The following IGF2R variants were observed in gnomAD, a reference collection of about 807,000 sequenced individuals.
The protein encoded by IGF2R is cation-independent mannose-6-phosphate receptor.
In IGF2R, 91 loss-of-function variants were observed where a neutral mutation model predicts 270.6. The observed-to-expected ratio is 0.34, with a 90% confidence interval of 0.28 to 0.40. The LOEUF is 0.40. Among genes scored for constraint, IGF2R ranks in the 10% least tolerant of loss-of-function variants. The probability of loss-of-function intolerance (pLI) is 1.00; values close to 1 mark genes in which losing one functional copy is unlikely to be tolerated. For missense variants in IGF2R, 2,805 were observed against 3,188.3 expected (o/e 0.88, Z 2.90); for synonymous variants, 1,316 against 1,258.9 (o/e 1.05, Z -0.96).
At chr6:159,995,461 T>A (rs1784037740) in intron 2 of IGF2R, among the ~76,000 whole-genome samples, 1 of 152,140 alleles carries the variant, frequency 6.6e-6, no homozygotes, top group Admixed American at 6.5e-5. Context: ...TGAGGTTTTG[T>A]TCCTGTCATA....
In IGF2R at chr6:160,043,257, G is replaced by A. The variant is rs894817; in HGVS notation, c.1590G>A (p.Gly530=). Residue 530 remains glycine, a synonymous_variant, in exon 12 of 48, where the codon GGG becomes GGA. Transcript: ENST00000356956. ...HRVLQEGKAR[G]CPEDAAVCAV... ...TGCTGCAGGAAGGCAAGGCACGAGGGTGTCCCGAGGACGCGGCAGTGTGTG... is the reference window on the plus strand; with the variant it reads ...TGCTGCAGGAAGGCAAGGCACGAGGATGTCCCGAGGACGCGGCAGTGTGTG... 538,577 of 1,613,798 alleles carry A rather than the reference G, an allele frequency of 0.33. 95,465 individuals are homozygous for A. The highest frequency in any genetic ancestry group is 0.74 in the East Asian group (33,237 of 44,872).
intron 1 of IGF2R, among the ~76,000 whole-genome samples, chr6:159,981,950 T>C (rs576600735): frequency 3.3e-5 from 5 of 152,346 alleles, no homozygotes; most frequent in Admixed American, 3.3e-4. Flanking sequence ...TCCCTGCTTC[T>C]ATTTATTTGT....
At chr6:160,022,118 G>A (rs973284768) in intron 4 of IGF2R, among the ~76,000 whole-genome samples, 1 of 152,058 alleles carries the variant, frequency 6.6e-6, no homozygotes, top group African/African-American at 2.4e-5. Context: ...GGAACTTGAG[G>A]CCATTATCTT....
intron 44 of IGF2R, chr6:160,093,512 G>C (rs1302435487): frequency 3.4e-6 from 2 of 585,006 alleles, no homozygotes; most frequent in Non-Finnish European, 6.4e-6. Flanking sequence ...TCACACGTCT[G>C]TACAGCCGGT....
chr6:160,085,463 T>C (rs1779080485), intron 41 of IGF2R, among the ~76,000 whole-genome samples: 1 of 152,228 alleles, frequency 6.6e-6, no homozygotes, highest in Admixed American at 6.5e-5. Flanking sequence ...TAAATTGGCA[T>C]AAACACACGT....
intron 1 of IGF2R, among the ~76,000 whole-genome samples, chr6:159,989,023 T>C (rs1037746861): frequency 6.6e-6 from 1 of 152,172 alleles, no homozygotes; most frequent in African/African-American, 2.4e-5. Context: ...CCTCTTAACA[T>C]GTTCCTGCTG....
chr6:160,096,257 G>C (rs946239554), intron 44 of IGF2R, 182 bp from the exon 45 acceptor site: 3 of 552,968 alleles, frequency 5.4e-6, no homozygotes, highest in Non-Finnish European at 9.5e-6. Context: ...TAAGGGCAGG[G>C]CTCTATCCAT....
At position 160,056,154 on chromosome 6, in the gene IGF2R, C is replaced by T. The variant is rs552870357; in HGVS notation, c.2695-270C>T. Among the ~76,000 whole-genome samples, 3 of 152,198 alleles carry T rather than the reference C, an allele frequency of 2.0e-5. No individual in the cohort carries two copies. The South Asian group carries it at 6.2e-4, about 32-fold the overall frequency. On this transcript the variant is annotated intron_variant, in intron 19 of 47. Coordinates refer to ENST00000356956, the MANE Select transcript of IGF2R (RefSeq NM_000876.4). Reference sequence around the variant, plus strand: ...ACTTTTCAGAACCTTGAGCTCAGACCTAGGTTTGGATCTGAATTCTACCAT... The same window carrying T: ...ACTTTTCAGAACCTTGAGCTCAGACTTAGGTTTGGATCTGAATTCTACCAT...
chr6:160,052,805 C>T (rs980373162), intron 19 of IGF2R, among the ~76,000 whole-genome samples: 2 of 152,136 alleles, frequency 1.3e-5, no homozygotes, highest in African/African-American at 2.4e-5. Flanking sequence ...TGATCTTTGA[C>T]AAACCTGACA....
intron 45 of IGF2R, among the ~76,000 whole-genome samples, chr6:160,099,426 G>T (rs955389093): frequency 3.3e-5 from 5 of 152,166 alleles, no homozygotes; most frequent in Admixed American, 3.3e-4. Context: ...GAGTGCAGTG[G>T]CGCGATCTCG....
At chr6:159,977,675 T>G (rs1783715375) in intron 1 of IGF2R, among the ~76,000 whole-genome samples, 1 of 152,198 alleles carries the variant, frequency 6.6e-6, no homozygotes, top group Non-Finnish European at 1.5e-5. Context: ...TGAAAACCTC[T>G]CATTAGGGAG....
In IGF2R at chr6:160,105,711, A is replaced by G. The variant is rs944541634; in HGVS notation, c.*627A>G. ...TTAAGGGCACACACACGTGCGTGCG[A>G]GCACACACACACATACGTGCACAGG... On this transcript the variant is annotated 3_prime_UTR_variant, in exon 48 of 48. Coordinates refer to ENST00000356956, the MANE Select transcript of IGF2R (RefSeq NM_000876.4). The G allele has an allele frequency of 6.5e-6, 1 of 152,860 alleles. No individual in the cohort carries two copies. The highest frequency in any genetic ancestry group is 1.5e-5 in the Non-Finnish European group (1 of 68,288). The allele number at this position is 152,860 out of a possible 1,614,324, so 9.5% of individuals were successfully genotyped here. A position where few individuals can be genotyped will look rare whatever the true frequency, so the allele number is the denominator to read the frequency against.
chr6:160,099,430 G>A (rs940623151), intron 45 of IGF2R, among the ~76,000 whole-genome samples: 2 of 152,018 alleles, frequency 1.3e-5, no homozygotes, highest in African/African-American at 4.8e-5. Context: ...GCAGTGGCGC[G>A]ATCTCGGCTC....
chr6:160,005,577 T>C (rs1784208358), intron 2 of IGF2R: 1 of 152,194 alleles, frequency 6.6e-6, no homozygotes. Context: ...TCTGCCTCCT[T>C]TTCAGGACGT....
intron 4 of IGF2R, among the ~76,000 whole-genome samples, chr6:160,023,534 C>CATT (rs753466132): frequency 7.9e-5 from 12 of 152,186 alleles, no homozygotes; most frequent in Non-Finnish European, 1.5e-4. Flanking sequence ...GCTTCACATA[C>CATT]ATTAGTTCAC....
chr6:159,986,742 T>C (rs910733950), intron 1 of IGF2R, among the ~76,000 whole-genome samples: 6 of 70,234 alleles, frequency 8.5e-5, no homozygotes, highest in South Asian at 5.1e-4. Context: ...ATTGATCTCT[T>C]TTTTTTTTTT....
In IGF2R at chr6:160,103,672, G is replaced by T. The variant is rs530777343; in HGVS notation, c.6996-74G>T. 3.0e-6 allele frequency: 3 copies of T among 1,000,002 alleles called. No individual in the cohort carries two copies. The East Asian group carries it at 7.2e-5, about 24-fold the overall frequency. 61.9% of individuals were successfully genotyped at this position (1,000,002 alleles called of 1,614,324 possible). A position where few individuals can be genotyped will look rare whatever the true frequency, so the allele number is the denominator to read the frequency against. On this transcript the variant is annotated intron_variant, in intron 46 of 47. Transcript: ENST00000356956. The stretch of plus-strand genomic sequence containing the variant: ...CCCCCTGGTGGTGCAGATGGGGGTG[G>T]GGCTGGCGGGGGTGGGGCTCCTGCC...
chr6:160,057,776 G>A (rs772528156), intron 20 of IGF2R, among the ~76,000 whole-genome samples: 5 of 152,192 alleles, frequency 3.3e-5, no homozygotes, highest in Non-Finnish European at 7.3e-5. Flanking sequence ...TTAGGGAAAT[G>A]CAGTAGCCTT....
chr6:160,007,812 G>A (rs1344064049), intron 2 of IGF2R: 1 of 152,054 alleles, frequency 6.6e-6, no homozygotes, highest in African/African-American at 2.4e-5. Flanking sequence ...ACTTACTTCC[G>A]TTTTCTTTAA....
Sources: gnomAD v4.1 joint callset for allele counts (sites outside exome capture counted in the v4.1 genomes callset) on GRCh38, gnomAD v4.1.1 for gene constraint, MANE v1.5 for transcripts, NCBI Gene and HGNC (gene_info 2026-07-23, HGNC 2026-07-21) for gene names.